CDH18: variants seen among roughly 807,000 people sequenced by gnomAD.
CDH18 encodes the protein cadherin 18, also known as cadherin-18.
In CDH18, 31 loss-of-function variants were observed where a neutral mutation model predicts 67.9. The ratio of observed to expected loss-of-function variants is 0.46; its 90% CI spans 0.34 to 0.62. The LOEUF is 0.62. CDH18 is among the 20% of genes least tolerant of loss of function. CDH18 has a pLI of 0.01. For synonymous variants in CDH18, 362 were observed against 347.2 expected, an observed-to-expected ratio of 1.04 and a Z score of -0.48; for missense variants, 890 against 975.5, an observed-to-expected ratio of 0.91 and a Z score of 1.17.
At chr5:20,174,546 T>A (rs2126662053) in intron 2 of CDH18, among the ~76,000 whole-genome samples, 2 of 152,266 alleles carry the variant, frequency 1.3e-5, no homozygotes, top group Middle Eastern at 6.8e-3. Flanking sequence ...TTTATTCACC[T>A]TTTTTGGGGA....
intron 1 of CDH18, among the ~76,000 whole-genome samples, chr5:20,342,008 C>T (rs538814629): frequency 2.0e-5 from 3 of 152,252 alleles, no homozygotes; most frequent in Admixed American, 6.5e-5. Flanking sequence ...TGTCTCCTCG[C>T]TTCAGAAGCA....
At chr5:20,418,385 C>T (rs1326386507) in intron 1 of CDH18, among the ~76,000 whole-genome samples, 1 of 151,568 alleles carries the variant, frequency 6.6e-6, no homozygotes, top group Admixed American at 6.6e-5. Flanking sequence ...CCGGCCAAGA[C>T]TAGTGTCTTT....
rs141330051 is a variant in CDH18 at position 19,853,268 on chromosome 5, T to A, written c.-256-14026A>T. 6.2e-3 allele frequency among the ~76,000 whole-genome samples: 942 copies of A among 152,200 alleles called. 45 individuals are homozygous for A. Among genetic ancestry groups the A allele is most frequent in the Admixed American group, 0.054 (819 of 15,246 alleles). On this transcript the variant is annotated intron_variant, in intron 2 of 12. Coordinates refer to ENST00000382275, the MANE Select transcript of CDH18 (RefSeq NM_004934.5). Reference sequence around the variant, plus strand: ...CCCCACATGGCCTTTCCTCAATGTATGTTCTCGGGCAGAGACAGAGGAAGC... The same window carrying A: ...CCCCACATGGCCTTTCCTCAATGTAAGTTCTCGGGCAGAGACAGAGGAAGC...
At chr5:20,484,460 G>A (rs1753033882) in intron 1 of CDH18, among the ~76,000 whole-genome samples, 2 of 151,914 alleles carry the variant, frequency 1.3e-5, no homozygotes, top group African/African-American at 4.8e-5. Context: ...ATCAGTATAT[G>A]GAAAGGATAT....
At chr5:20,304,048 G>A (rs1393607650) in intron 1 of CDH18, 2 of 1,581,256 alleles carry the variant, frequency 1.3e-6, no homozygotes, top group Non-Finnish European at 1.7e-6. Flanking sequence ...CGCGTGTTCA[G>A]GCATCCTTTT....
intron 3 of CDH18, among the ~76,000 whole-genome samples, chr5:19,806,080 A>G (rs965664174): frequency 1.2e-4 from 18 of 152,212 alleles, no homozygotes; most frequent in African/African-American, 4.3e-4. Context: ...AATGTGACAC[A>G]TTTAACCTTT....
intron 5 of CDH18, among the ~76,000 whole-genome samples, chr5:19,670,227 T>A (rs1480636306): frequency 1.3e-5 from 2 of 151,736 alleles, no homozygotes; most frequent in African/African-American, 4.8e-5. Context: ...TGCTAAACAG[T>A]TTTTTTTCAG....
At chr5:19,936,217 T>C (rs1292799645) in intron 2 of CDH18, among the ~76,000 whole-genome samples, 1 of 151,344 alleles carries the variant, frequency 6.6e-6, no homozygotes, top group Admixed American at 6.6e-5. Context: ...TTGTTACTTT[T>C]TAAAATTTCC....
chr5:20,478,174 C>T (rs1752562822), intron 1 of CDH18, among the ~76,000 whole-genome samples: 4 of 152,054 alleles, frequency 2.6e-5, no homozygotes, highest in Admixed American at 2.6e-4. Context: ...CCAGCACATT[C>T]CCAGCTGTGG....
At chr5:20,106,829 T>C (rs1746983102) in intron 2 of CDH18, among the ~76,000 whole-genome samples, 1 of 152,208 alleles carries the variant, frequency 6.6e-6, no homozygotes, top group Non-Finnish European at 1.5e-5. Context: ...TTCTCACAAC[T>C]ATGTATCTAC....
intron 2 of CDH18, among the ~76,000 whole-genome samples, chr5:20,006,703 A>G (rs1200492932): frequency 6.6e-6 from 1 of 152,020 alleles, no homozygotes; most frequent in Non-Finnish European, 1.5e-5. Flanking sequence ...TTATAAAGAT[A>G]TAATGTTGTT....
At chr5:20,471,833 T>TACAAAAAAAA (rs1752103703) in intron 1 of CDH18, among the ~76,000 whole-genome samples, 1 of 51,500 alleles carries the variant, frequency 1.9e-5, no homozygotes, top group African/African-American at 6.5e-5. Flanking sequence ...AGATTCAGTC[T>TACAAAAAAAA]AAAAAAAAAA....
intron 3 of CDH18, among the ~76,000 whole-genome samples, chr5:19,811,628 A>G (rs1778756324): frequency 6.6e-6 from 1 of 152,236 alleles, no homozygotes; most frequent in African/African-American, 2.4e-5. Flanking sequence ...TATAAAAAGA[A>G]AAAAATTATC....
chr5:19,561,588 T>G (rs537650299), intron 8 of CDH18, among the ~76,000 whole-genome samples: 1 of 152,098 alleles, frequency 6.6e-6, no homozygotes, highest in East Asian at 1.9e-4. Flanking sequence ...ACCAAAATAT[T>G]AAAAATCACC....
chr5:19,612,291 T>G (rs1749104886), intron 6 of CDH18, 143 bp downstream of exon 6: 1 of 712,440 alleles, frequency 1.4e-6, no homozygotes, highest in Non-Finnish European at 2.3e-6. Flanking sequence ...TTCATGAGTC[T>G]TACATGAAGA....
At chr5:19,837,828 C>T (rs955012144) in intron 3 of CDH18, among the ~76,000 whole-genome samples, 1 of 152,102 alleles carries the variant, frequency 6.6e-6, no homozygotes, top group African/African-American at 2.4e-5. Flanking sequence ...AGCCACTGAG[C>T]CTGCAGTCAC....
intron 1 of CDH18, among the ~76,000 whole-genome samples, chr5:20,368,186 A>C (rs749017397): frequency 1.3e-5 from 2 of 152,216 alleles, no homozygotes; most frequent in Non-Finnish European, 2.9e-5. Flanking sequence ...AGAAAAAGAT[A>C]TGTAAGAGCT....
At chr5:19,881,779 T>A (rs1243752501) in intron 2 of CDH18, among the ~76,000 whole-genome samples, 1 of 152,136 alleles carries the variant, frequency 6.6e-6, no homozygotes, top group Non-Finnish European at 1.5e-5. Flanking sequence ...GTGCTGGGGT[T>A]ACAGGCATGA....
chr5:19,839,780 T>C (rs186847882), intron 2 of CDH18, among the ~76,000 whole-genome samples: 1 of 152,234 alleles, frequency 6.6e-6, no homozygotes, highest in Non-Finnish European at 1.5e-5. Context: ...TTTTGATAGG[T>C]CCTGCATATC....
Sources: gnomAD v4.1 joint callset for allele counts (sites outside exome capture counted in the v4.1 genomes callset) on GRCh38, gnomAD v4.1.1 for gene constraint, MANE v1.5 for transcripts, NCBI Gene and HGNC (gene_info 2026-07-23, HGNC 2026-07-21) for gene names.